Variants in NEK10 observed in about 807,000 individuals in gnomAD.
NEK10 encodes the protein serine/threonine-protein kinase Nek10.
A neutral mutation model predicts 159.8 loss-of-function variants in NEK10; 122 were observed. The ratio of observed to expected loss-of-function variants is 0.76; its 90% CI spans 0.66 to 0.89. NEK10 has a LOEUF of 0.89. NEK10 is among the 40% of genes least tolerant of loss of function. The probability of loss-of-function intolerance (pLI) is 0.00; values close to 1 mark genes in which losing one functional copy is unlikely to be tolerated. For missense variants in NEK10, 1,342 were observed against 1,323.1 expected (o/e 1.01, Z -0.22); for synonymous variants, 466 against 457.1 (o/e 1.02, Z -0.25).
chr3:27,326,958 C>T (rs2046047172), intron 5 of NEK10, among the ~76,000 whole-genome samples: 1 of 152,204 alleles, frequency 6.6e-6, no homozygotes, highest in South Asian at 2.1e-4. Flanking sequence ...TATATACATA[C>T]ATCTGTTTGC....
At chr3:27,263,033 A>C (rs1393750182) in intron 22 of NEK10, among the ~76,000 whole-genome samples, 1 of 152,158 alleles carries the variant, frequency 6.6e-6, no homozygotes, top group Non-Finnish European at 1.5e-5. Flanking sequence ...TTTCCTTCTA[A>C]CAGTCAGGAC....
rs889127871 is a variant in NEK10, at chr3:27,199,142, C to G, written c.2291+2368G>C. 5.3e-5 allele frequency among the ~76,000 whole-genome samples: 8 copies of G among 150,992 alleles called. No individual in the cohort carries two copies. In the South Asian group the frequency reaches 1.0e-3, roughly 20 times the overall value. ...TTAATTAAACTAAAGAGCTTCTGCACAGCAAAGGATACTATCAACAGAGTA... is the reference window on the plus strand; with the variant it reads ...TTAATTAAACTAAAGAGCTTCTGCAGAGCAAAGGATACTATCAACAGAGTA... On this transcript the variant is annotated intron_variant, in intron 25 of 35. Coordinates refer to ENST00000691995, the MANE Select transcript of NEK10 (RefSeq NM_001394966.1).
intron 13 of NEK10, among the ~76,000 whole-genome samples, chr3:27,298,172 C>G (rs1234073768): frequency 1.1e-4 from 17 of 152,034 alleles, no homozygotes. Context: ...GTGTCCCCAC[C>G]CAAATCTCAT....
intron 1 of NEK10, chr3:27,368,916 G>A (rs1172508209): frequency 1.3e-5 from 2 of 152,238 alleles, no homozygotes; most frequent in African/African-American, 4.8e-5. Context: ...GAGCAGATTG[G>A]AAGAGACACA....
chr3:27,116,629 G>A (rs1317551710), intron 33 of NEK10, among the ~76,000 whole-genome samples: 1 of 151,998 alleles, frequency 6.6e-6, no homozygotes, highest in Non-Finnish European at 1.5e-5. Flanking sequence ...ATTGCCAGAA[G>A]ACTTTTAAAA....
rs1947306227 is a variant in NEK10 at position 27,174,432 on chromosome 3, A to G, written c.2776+7T>C. 4 of 1,607,694 alleles carry G rather than the reference A, an allele frequency of 2.5e-6. No individual in the cohort carries two copies. The South Asian group carries it at 4.4e-5, about 18-fold the overall frequency. ...CACAAACAGCAAATTGATAACAGAAAGCTTACTGAATGTAGATTCTTTCAG... is the reference window on the plus strand; with the variant it reads ...CACAAACAGCAAATTGATAACAGAAGGCTTACTGAATGTAGATTCTTTCAG... On this transcript the variant is annotated splice_region_variant and intron_variant, in intron 28 of 35. Transcript: ENST00000691995.
intron 33 of NEK10, among the ~76,000 whole-genome samples, chr3:27,117,856 A>G (rs992774975): frequency 6.6e-6 from 1 of 152,076 alleles, no homozygotes; most frequent in South Asian, 2.1e-4. Flanking sequence ...CTTTTGTTAT[A>G]ATTGCTTTTG....
intron 7 of NEK10, among the ~76,000 whole-genome samples, chr3:27,313,082 C>T (rs2044835380): frequency 6.6e-6 from 1 of 150,732 alleles, no homozygotes; most frequent in African/African-American, 2.4e-5. Flanking sequence ...TGGTGTAACC[C>T]TGTCTCTACT....
At chr3:27,172,266 C>T (rs1027887360) in intron 28 of NEK10, among the ~76,000 whole-genome samples, 4 of 128,468 alleles carry the variant, frequency 3.1e-5, no homozygotes, top group Non-Finnish European at 4.7e-5. Flanking sequence ...ACCCAGGAGG[C>T]GGAGGTTGCA....
At chr3:27,240,654 CT>C (rs5847451) in intron 23 of NEK10, among the ~76,000 whole-genome samples, 299 of 141,432 alleles carry the variant, frequency 2.1e-3, no homozygotes, top group South Asian at 3.6e-3. Context: ...ACTATCTCAT[CT>C]TTTTTTTTTT....
chr3:27,366,534 TCC>T (rs1374443696), intron 1 of NEK10, among the ~76,000 whole-genome samples: 2 of 152,188 alleles, frequency 1.3e-5, no homozygotes, highest in Non-Finnish European at 2.9e-5. Context: ...AGGCCCTTCT[TCC>T]ACCTCCTGAA....
intron 23 of NEK10, chr3:27,252,928 A>C (rs140537026): frequency 1.0e-3 from 520 of 511,144 alleles, no homozygotes; most frequent in African/African-American, 9.0e-3. Context: ...AAGTCACTTA[A>C]GTGTTTTAAG....
At position 27,304,647 on chromosome 3, in the gene NEK10, A is replaced by G; in HGVS notation, c.1028+100T>C. 3.7e-5 allele frequency: 27 copies of G among 736,640 alleles called. No homozygotes were observed. The South Asian group carries it at 4.4e-4, about 12-fold the overall frequency. 45.6% of individuals were successfully genotyped at this position (736,640 alleles called of 1,614,324 possible). A position where few individuals can be genotyped will look rare whatever the true frequency, so the allele number is the denominator to read the frequency against. ...TGAATTACCAAAGAAATCCCAAAGCAGGAGGGAATGAGGTGACACACACCA... is the reference window on the plus strand; with the variant it reads ...TGAATTACCAAAGAAATCCCAAAGCGGGAGGGAATGAGGTGACACACACCA... On this transcript the variant is annotated intron_variant, in intron 12 of 35. Coordinates refer to ENST00000691995, the MANE Select transcript of NEK10 (RefSeq NM_001394966.1).
intron 29 of NEK10, among the ~76,000 whole-genome samples, chr3:27,163,350 C>A (rs927569020): frequency 1.1e-4 from 16 of 151,216 alleles, no homozygotes; most frequent in African/African-American, 3.9e-4. Context: ...TACCCTAGAA[C>A]CAATTTTTCT....
At chr3:27,258,812 T>C (rs200257111) in intron 22 of NEK10, among the ~76,000 whole-genome samples, 5 of 151,414 alleles carry the variant, frequency 3.3e-5, no homozygotes, top group African/African-American at 2.4e-5. Flanking sequence ...CCACAATGGT[T>C]GAACTAGTTT....
At chr3:27,277,468 A>C (rs900300161) in intron 22 of NEK10, among the ~76,000 whole-genome samples, 3 of 152,012 alleles carry the variant, frequency 2.0e-5, no homozygotes, top group Admixed American at 1.3e-4. Flanking sequence ...CCCAGATCTG[A>C]TCATATAATT....
intron 23 of NEK10, among the ~76,000 whole-genome samples, chr3:27,227,310 G>A (rs781243629): frequency 2.6e-5 from 4 of 152,142 alleles, no homozygotes; most frequent in South Asian, 2.1e-4. Context: ...AGAAAAGGTC[G>A]GTTACAGGAA....
intron 22 of NEK10, among the ~76,000 whole-genome samples, chr3:27,258,226 A>G (rs573877428): frequency 7.2e-5 from 11 of 152,196 alleles, no homozygotes; most frequent in Non-Finnish European, 1.2e-4. Context: ...TATTATATAT[A>G]TTTTTTATTA....
At chr3:27,215,173 C>A (rs571833057) in intron 23 of NEK10, among the ~76,000 whole-genome samples, 1 of 152,204 alleles carries the variant, frequency 6.6e-6, no homozygotes, top group Non-Finnish European at 1.5e-5. Flanking sequence ...AATCTCTGAA[C>A]ACATAAAGAT....
Sources: gnomAD v4.1 joint callset for allele counts (sites outside exome capture counted in the v4.1 genomes callset) on GRCh38, gnomAD v4.1.1 for gene constraint, MANE v1.5 for transcripts, NCBI Gene and HGNC (gene_info 2026-07-23, HGNC 2026-07-21) for gene names.